The following SYNM variants were observed in gnomAD, a reference collection of about 807,000 sequenced individuals.
SYNM encodes the protein synemin, also known as desmuslin.
In SYNM, 95 loss-of-function variants were observed where a neutral mutation model predicts 104.0. The ratio of observed to expected loss-of-function variants is 0.91; its 90% CI spans 0.77 to 1.08. The LOEUF (loss-of-function observed/expected upper bound fraction) is 1.08. Among genes scored for constraint, SYNM ranks in the 50% least tolerant of loss-of-function variants. The pLI is 0.00. For missense variants in SYNM, 2,150 were observed against 2,052.2 expected (o/e 1.05, Z -0.92); for synonymous variants, 918 against 869.0 (o/e 1.06, Z -0.99).
chr15:99,132,383 C>G lies in SYNM; in HGVS notation c.4023C>G (p.Ser1341Arg). Residue 1341 changes from serine to arginine, a missense_variant, in exon 4 of 4, where the codon AGC (serine) becomes AGG (arginine). Coordinates refer to ENST00000336292, the MANE Select transcript of SYNM (RefSeq NM_145728.3). ...PQLGESGDSESTVHGEGSADV... is the reference protein window; with the variant it reads ...PQLGESGDSERTVHGEGSADV... ...TGGGGGAATCTGGTGACTCAGAGAG[C>G]ACTGTGCACGGAGAGGGCTCAGCAG... The G allele has an allele frequency of 6.2e-7, 1 of 1,613,972 alleles. No homozygotes were observed. The highest frequency in any genetic ancestry group is 1.1e-5 in the South Asian group (1 of 91,084).
At chr15:99,112,684 A>G (rs957109302) in intron 1 of SYNM, among the ~76,000 whole-genome samples, 2 of 152,162 alleles carry the variant, frequency 1.3e-5, no homozygotes, top group Admixed American at 1.3e-4. Context: ...GCACTGTGCA[A>G]TTACGGTTCA....
chr15:99,106,626 T>A (rs1286596693), intron 1 of SYNM, among the ~76,000 whole-genome samples: 1 of 152,214 alleles, frequency 6.6e-6, no homozygotes, highest in African/African-American at 2.4e-5. Context: ...TGACGTCAGA[T>A]CTCTGCGTAG....
chr15:99,125,625 G>C (rs145424301), intron 2 of SYNM, among the ~76,000 whole-genome samples: 9 of 152,244 alleles, frequency 5.9e-5, no homozygotes, highest in Non-Finnish European at 8.8e-5. Flanking sequence ...ACTCAGTGCA[G>C]TTTGTCCAAG....
chr15:99,109,206 G>T (rs2067277977), intron 1 of SYNM, among the ~76,000 whole-genome samples: 1 of 152,318 alleles, frequency 6.6e-6, no homozygotes, highest in African/African-American at 2.4e-5. Flanking sequence ...GCCTGCCCCA[G>T]GCCTGGCCTC....
intron 1 of SYNM, among the ~76,000 whole-genome samples, chr15:99,111,180 A>G (rs1391499664): frequency 2.6e-5 from 4 of 152,130 alleles, no homozygotes; most frequent in Non-Finnish European, 5.9e-5. Context: ...CCACGTGACT[A>G]GGCTTTCTTG....
intron 1 of SYNM, among the ~76,000 whole-genome samples, chr15:99,109,159 GC>G (rs2067277042): frequency 6.6e-6 from 1 of 152,076 alleles, no homozygotes; most frequent in South Asian, 2.1e-4. Context: ...TTCCCAGATG[GC>G]CCATGCGCCT....
In SYNM at chr15:99,105,853, G is replaced by GAGT; in HGVS notation, c.656_657insTAG (p.Ser219dup). Reference sequence around the variant, plus strand: ...AGGAGGCGCTGCGGCGCGGCCAGGAGAGCAGACTCCAGGCGGAGGAAGAGA... The same window carrying GAGT: ...AGGAGGCGCTGCGGCGCGGCCAGGAGAGTAGCAGACTCCAGGCGGAGGAAGAGA... On this transcript the variant is annotated inframe_insertion, in exon 1 of 4. Coordinates refer to ENST00000336292, the MANE Select transcript of SYNM (RefSeq NM_145728.3). 1 of 1,543,384 alleles carries GAGT rather than the reference G, an allele frequency of 6.5e-7. No homozygotes were observed. Among genetic ancestry groups the GAGT allele is most frequent in the Non-Finnish European group, 8.7e-7 (1 of 1,146,700 alleles).
At chr15:99,113,814 T>C (rs782172772) in intron 2 of SYNM, 99 bp downstream of exon 2, 1 of 1,493,106 alleles carries the variant, frequency 6.7e-7, no homozygotes. Context: ...GTGGAGTCAC[T>C]GTGGCTTTGT....
the SYNM span, chr15:99,141,043 G>C: frequency 6.6e-6 from 1 of 152,136 alleles, no homozygotes; most frequent in South Asian, 2.1e-4. Context: ...CAATGAGGTA[G>C]GTACCATTTC....
At chr15:99,111,253 A>C (rs2067297626) in intron 1 of SYNM, among the ~76,000 whole-genome samples, 1 of 152,202 alleles carries the variant, frequency 6.6e-6, no homozygotes, top group South Asian at 2.1e-4. Context: ...GCAGTTTAAC[A>C]ACATTTGAAC....
chr15:99,119,301 G>A (rs782060399), intron 2 of SYNM, among the ~76,000 whole-genome samples: 10 of 152,342 alleles, frequency 6.6e-5, no homozygotes, highest in Non-Finnish European at 1.2e-4. Flanking sequence ...GGCAGCATGC[G>A]CATTGTGAGG....
At chr15:99,124,561 G>T (rs1334093009) in intron 2 of SYNM, among the ~76,000 whole-genome samples, 4 of 152,228 alleles carry the variant, frequency 2.6e-5, no homozygotes, top group African/African-American at 4.8e-5. Flanking sequence ...ATCACCAAGA[G>T]AATTTATTTT....
In SYNM at chr15:99,116,525, G is replaced by T. The variant is rs1480692490; in HGVS notation, c.935+2810G>T. Among the ~76,000 whole-genome samples the T allele has an allele frequency of 1.4e-5, 2 of 143,806 alleles. 1 individual carries two copies. The highest frequency in any genetic ancestry group is 4.5e-4 in the East Asian group (2 of 4,432). 94.3% of individuals were successfully genotyped at this position (143,806 alleles called of 152,430 possible). A position where few individuals can be genotyped will look rare whatever the true frequency, so the allele number is the denominator to read the frequency against. On this transcript the variant is annotated intron_variant, in intron 2 of 3. Coordinates refer to ENST00000336292, the MANE Select transcript of SYNM (RefSeq NM_145728.3). ...GAAAAGAGGTTTATTTTGGCCCACAGTTGTGCAGGCTGTACCGGAATCGTG... is the reference window on the plus strand; with the variant it reads ...GAAAAGAGGTTTATTTTGGCCCACATTTGTGCAGGCTGTACCGGAATCGTG...
chr15:99,116,446 GT>G (rs1320364579), intron 2 of SYNM, among the ~76,000 whole-genome samples: 1 of 146,074 alleles, frequency 6.8e-6, no homozygotes, highest in Non-Finnish European at 1.5e-5. Context: ...TGAAAGTCTT[GT>G]GCTGGTCTAC....
intron 1 of SYNM, among the ~76,000 whole-genome samples, chr15:99,109,249 AT>A (rs544875521): frequency 5.3e-5 from 8 of 152,182 alleles, no homozygotes; most frequent in Non-Finnish European, 1.0e-4. Context: ...CTGAACTGAC[AT>A]CCAAGTTCCC....
At chr15:99,128,224 A>G (rs567622552) in intron 3 of SYNM, among the ~76,000 whole-genome samples, 2 of 152,262 alleles carry the variant, frequency 1.3e-5, no homozygotes, top group Non-Finnish European at 2.9e-5. Flanking sequence ...TAGTGAACTT[A>G]TCAATACTTG....
At position 99,130,235 on chromosome 15, in the gene SYNM, C is replaced by T. The variant is rs782064522; in HGVS notation, c.1875C>T (p.Ala625=). 7.4e-6 allele frequency: 12 copies of T among 1,613,964 alleles called. No individual in the cohort carries two copies. Among genetic ancestry groups the T allele is most frequent in the Non-Finnish European group, 9.3e-6 (11 of 1,179,898 alleles). The change falls in exon 4 of 4, where the codon GCC becomes GCT. Residue 625 remains alanine (A), a synonymous_variant. Transcript: ENST00000336292. ...ELRFRLGTSD[A]TGSLQGDSMT... ...GGTTCAGGTTGGGCACCAGTGATGC[C>T]ACTGGTTCTCTGCAAGGCGATTCCA...
rs1304941520 is a variant in SYNM, at chr15:99,134,061, C to T, written c.*1003C>T. The T allele has an allele frequency of 3.9e-5, 6 of 152,128 alleles. No homozygotes were observed. Among genetic ancestry groups the T allele is most frequent in the South Asian group, 2.1e-4 (1 of 4,814 alleles). 9.4% of individuals were successfully genotyped at this position (152,128 alleles called of 1,614,324 possible). On this transcript the variant is annotated 3_prime_UTR_variant, in exon 4 of 4. Transcript: ENST00000336292. ...GCCTCTTAAAGATGCCTTTCCCAAC[C>T]CTCCATTCATGGGATGCAGGTCTTT...
chr15:99,106,617 G>T (rs1555482836), intron 1 of SYNM, among the ~76,000 whole-genome samples: 1 of 152,268 alleles, frequency 6.6e-6, no homozygotes, highest in Non-Finnish European at 1.5e-5. Context: ...AGCACACGCT[G>T]ACGTCAGATC....
Sources: allele counts gnomAD v4.1 joint callset (sites outside exome capture counted in the v4.1 genomes callset), GRCh38; gene constraint gnomAD v4.1.1; transcripts MANE v1.5; gene names NCBI Gene and HGNC (gene_info 2026-07-23, HGNC 2026-07-21).